Variants in TEX9 observed in about 807,000 individuals in gnomAD.
TEX9 encodes the protein testis expressed 9.
In TEX9, 74 loss-of-function variants were observed where a neutral mutation model predicts 59.6. That is an observed-to-expected ratio of 1.24 (90% confidence interval 1.03 to 1.51). The LOEUF (loss-of-function observed/expected upper bound fraction) is 1.51, where lower values mean the gene tolerates loss of function less well. TEX9 is among the 40% of genes most tolerant of loss of function. The probability of loss-of-function intolerance (pLI) is 0.00; values close to 1 mark genes in which losing one functional copy is unlikely to be tolerated. For missense variants in TEX9, 522 were observed against 447.8 expected, an observed-to-expected ratio of 1.17 and a Z score of -1.49; for synonymous variants, 186 against 152.2, an observed-to-expected ratio of 1.22 and a Z score of -1.64.
intron 1 of TEX9, among the ~76,000 whole-genome samples, chr15:56,251,500 T>C (rs2039080401): frequency 1.3e-5 from 2 of 152,264 alleles, no homozygotes; most frequent in South Asian, 4.1e-4. Flanking sequence ...ATGTTAGTAA[T>C]TAGCTAACGG....
chr15:56,368,491 A>G (rs1182789002), intron 2 of TEX9, among the ~76,000 whole-genome samples: 1 of 152,100 alleles, frequency 6.6e-6, no homozygotes, highest in Non-Finnish European at 1.5e-5. Context: ...GCTTTTTATA[A>G]TTAGAGATTT....
intron 1 of TEX9, among the ~76,000 whole-genome samples, chr15:56,255,269 G>C (rs2044119257): frequency 6.6e-6 from 1 of 152,096 alleles, no homozygotes; most frequent in Non-Finnish European, 1.5e-5. Context: ...GTGAACCCCT[G>C]TTCTAGATGA....
intron 1 of TEX9, among the ~76,000 whole-genome samples, chr15:56,270,165 C>T (rs1326972288): frequency 6.6e-6 from 1 of 152,126 alleles, no homozygotes; most frequent in African/African-American, 2.4e-5. Flanking sequence ...ATTAGGTCTG[C>T]TTGGTGCAGA....
At chr15:56,317,866 G>T (rs1272084830) in intron 1 of TEX9, among the ~76,000 whole-genome samples, 1 of 152,046 alleles carries the variant, frequency 6.6e-6, no homozygotes, top group East Asian at 1.9e-4. Flanking sequence ...ATTTTTGTTG[G>T]AGGGCACATT....
chr15:56,315,520 G>A (rs185375671), intron 1 of TEX9, among the ~76,000 whole-genome samples: 5 of 150,592 alleles, frequency 3.3e-5, no homozygotes, highest in Admixed American at 1.3e-4. Context: ...CGAGAGATCC[G>A]CTGTTAGTCT....
intron 1 of TEX9, among the ~76,000 whole-genome samples, chr15:56,263,603 T>TTA (rs2044316380): frequency 6.6e-6 from 1 of 152,206 alleles, no homozygotes; most frequent in African/African-American, 2.4e-5. Flanking sequence ...TACTAGATAG[T>TTA]TCTATGAGTT....
chr15:56,326,791 T>G, intron 1 of TEX9, among the ~76,000 whole-genome samples: 1 of 135,814 alleles, frequency 7.4e-6, no homozygotes, highest in African/African-American at 2.5e-5. Context: ...TTCATCTCAC[T>G]CACATGCAGA....
intron 10 of TEX9, among the ~76,000 whole-genome samples, chr15:56,425,304 T>C (rs1334017049): frequency 6.6e-6 from 1 of 152,186 alleles, no homozygotes; most frequent in Non-Finnish European, 1.5e-5. Context: ...TTTCAGCTAT[T>C]CTTCAAATAA....
intron 1 of TEX9, among the ~76,000 whole-genome samples, chr15:56,331,555 G>C: frequency 6.6e-6 from 1 of 152,084 alleles, no homozygotes; most frequent in East Asian, 1.9e-4. Flanking sequence ...TGAATGACAA[G>C]TAGGTCAATA....
At chr15:56,290,361 A>G (rs1438162551) in intron 1 of TEX9, among the ~76,000 whole-genome samples, 1 of 152,056 alleles carries the variant, frequency 6.6e-6, no homozygotes, top group Non-Finnish European at 1.5e-5. Context: ...TTCTTGCTGC[A>G]TGGCTGATAC....
intron 1 of TEX9, among the ~76,000 whole-genome samples, chr15:56,345,566 A>G (rs2141850679): frequency 6.6e-6 from 1 of 152,290 alleles, no homozygotes; most frequent in Non-Finnish European, 1.5e-5. Flanking sequence ...CTGGGACTAC[A>G]GGCATGTGCC....
intron 1 of TEX9, among the ~76,000 whole-genome samples, chr15:56,298,964 C>T (rs532677046): frequency 6.6e-6 from 1 of 152,250 alleles, no homozygotes; most frequent in Admixed American, 6.5e-5. Context: ...AGGAAGATGA[C>T]CAAATAGAAT....
chr15:56,310,730 T>C lies in TEX9; in HGVS notation c.-106-62711T>C, dbSNP rs1487871291. Among the ~76,000 whole-genome samples the C allele has an allele frequency of 2.0e-5, 3 of 152,196 alleles. No individual in the cohort carries two copies. The East Asian group carries it at 5.8e-4, about 29-fold the overall frequency. ...TCATTGCAAATCAGAATAGCAAGTC[T>C]TCTGAGCAAAGGGAAAGCAGAGAAA... On this transcript the variant is annotated intron_variant, in intron 1 of 5. Coordinates refer to the TEX9 transcript ENST00000560827.
At chr15:56,293,503 C>G (rs2045145747) in intron 1 of TEX9, among the ~76,000 whole-genome samples, 1 of 152,234 alleles carries the variant, frequency 6.6e-6, no homozygotes, top group South Asian at 2.1e-4. Flanking sequence ...AGGAAGTGAT[C>G]TGTAGGCCCA....
At chr15:56,265,348 T>A (rs1382506780) in intron 1 of TEX9, among the ~76,000 whole-genome samples, 1 of 151,816 alleles carries the variant, frequency 6.6e-6, no homozygotes, top group African/African-American at 2.4e-5. Context: ...TTATTTTTTA[T>A]TTTTTGTAGA....
chr15:56,361,034 G>A (rs2046779878), upstream of TEX9, among the ~76,000 whole-genome samples: 1 of 152,144 alleles, frequency 6.6e-6, no homozygotes, highest in Non-Finnish European at 1.5e-5. Flanking sequence ...TAGGACCTGT[G>A]AGTATAATAA....
At chr15:56,387,541 A>C (rs1456184078) in intron 4 of TEX9, among the ~76,000 whole-genome samples, 1 of 151,926 alleles carries the variant, frequency 6.6e-6, no homozygotes, top group Non-Finnish European at 1.5e-5. Flanking sequence ...TGGCTAGCTA[A>C]GTGGGAGGCA....
intron 1 of TEX9, among the ~76,000 whole-genome samples, chr15:56,286,843 T>C (rs1339686068): frequency 6.6e-6 from 1 of 150,932 alleles, no homozygotes; most frequent in Non-Finnish European, 1.5e-5. Flanking sequence ...TCCAAGTGCT[T>C]ACTAGAAATT....
chr15:56,434,027 A>G, intron 12 of TEX9: 2 of 1,187,024 alleles, frequency 1.7e-6, no homozygotes, highest in Non-Finnish European at 2.3e-6. Context: ...ATTAGTAAAC[A>G]TACTAACATT....
Sources: gnomAD v4.1 joint callset for allele counts (sites outside exome capture counted in the v4.1 genomes callset) on GRCh38, gnomAD v4.1.1 for gene constraint, MANE v1.5 for transcripts, NCBI Gene and HGNC (gene_info 2026-07-23, HGNC 2026-07-21) for gene names.